Variants in SCAP observed in about 807,000 individuals in gnomAD.
The protein encoded by SCAP is sterol regulatory element-binding protein cleavage-activating protein.
Under a neutral mutation model 123.6 loss-of-function variants are expected in SCAP, and 65 were observed. The ratio of observed to expected loss-of-function variants is 0.53; its 90% confidence interval spans 0.43 to 0.65. The LOEUF (loss-of-function observed/expected upper bound fraction) is 0.65, where lower values mean the gene tolerates loss of function less well. SCAP is among the 30% of genes least tolerant of loss of function. The probability of loss-of-function intolerance (pLI) is 0.00; values close to 1 mark genes in which losing one functional copy is unlikely to be tolerated. For synonymous variants in SCAP, 740 were observed against 726.3 expected, an observed-to-expected ratio of 1.02 and a Z score of -0.30; for missense variants, 1,398 against 1,712.5, an observed-to-expected ratio of 0.82 and a Z score of 3.24.
intron 3 of SCAP, among the ~76,000 whole-genome samples, chr3:47,431,432 TAA>T (rs1350271249): frequency 6.6e-6 from 1 of 151,634 alleles, no homozygotes; most frequent in Non-Finnish European, 1.5e-5. Context: ...TCAGGTTTTC[TAA>T]GTTTTTGCCT....
intron 1 of SCAP, chr3:47,470,024 CT>C: frequency 3.1e-6 from 1 of 326,318 alleles, no homozygotes; most frequent in South Asian, 3.0e-5. Context: ...GTTTGGCATT[CT>C]TAGGTAACTC....
At chr3:47,452,673 A>C (rs1707268529) in intron 1 of SCAP, among the ~76,000 whole-genome samples, 2 of 152,202 alleles carry the variant, frequency 1.3e-5, no homozygotes, top group African/African-American at 4.8e-5. Flanking sequence ...TCTATTTAAC[A>C]CACCCTCCAG....
chr3:47,433,952 C>T (rs1706466053), intron 3 of SCAP, among the ~76,000 whole-genome samples: 1 of 152,178 alleles, frequency 6.6e-6, no homozygotes, highest in Admixed American at 6.5e-5. Context: ...CAATGGCCAA[C>T]CTGGGACATA....
chr3:47,442,241 A>T (rs1396415965), intron 2 of SCAP, among the ~76,000 whole-genome samples: 1 of 152,188 alleles, frequency 6.6e-6, no homozygotes, highest in Non-Finnish European at 1.5e-5. Context: ...ATGTCATCTC[A>T]TATCAAACTC....
At chr3:47,428,711 A>G in intron 3 of SCAP, 41 bp from the exon 4 acceptor site, 1 of 1,606,066 alleles carries the variant, frequency 6.2e-7, no homozygotes, top group South Asian at 1.1e-5. Flanking sequence ...GCAGCTGAGC[A>G]CAGGAAGAAG....
At chr3:47,416,689 G>C (rs986927707) in intron 18 of SCAP, among the ~76,000 whole-genome samples, 1 of 140,044 alleles carries the variant, frequency 7.1e-6, no homozygotes, top group Non-Finnish European at 1.5e-5. Context: ...TGCAGTGGCG[G>C]GATCTCGGCT....
chr3:47,421,494 G>A (rs1705898853), intron 10 of SCAP: 1 of 168,826 alleles, frequency 5.9e-6, no homozygotes, highest in South Asian at 1.4e-4. Flanking sequence ...AGAGAGAGAG[G>A]GATTAATTCT....
At chr3:47,469,425 G>C (rs984467212) in intron 1 of SCAP, among the ~76,000 whole-genome samples, 4 of 152,118 alleles carry the variant, frequency 2.6e-5, no homozygotes, top group East Asian at 3.9e-4. Context: ...GCTGTGACAC[G>C]ATCCTGGCTC....
At position 47,451,782 on chromosome 3, in the gene SCAP, G is replaced by A. The variant is rs975895082; in HGVS notation, c.-98-8691C>T. On this transcript the variant is annotated intron_variant, in intron 1 of 22. Transcript: ENST00000265565. ...AGTGGACACAGATTCTACTAATGCT[G>A]TGAGCTGGATACCCTTCTGCACTTA... 1.6e-5 allele frequency among the ~76,000 whole-genome samples: 2 copies of A among 122,744 alleles called. 1 individual carries two copies. Among genetic ancestry groups the A allele is most frequent in the Non-Finnish European group, 3.6e-5 (2 of 55,764 alleles). 80.5% of individuals were successfully genotyped at this position (122,744 alleles called of 152,430 possible).
At chr3:47,432,962 C>T (rs1379236875) in intron 3 of SCAP, among the ~76,000 whole-genome samples, 2 of 152,232 alleles carry the variant, frequency 1.3e-5, no homozygotes, top group Non-Finnish European at 2.9e-5. Flanking sequence ...GCCAACTGGG[C>T]TCCCTTTTAT....
intron 1 of SCAP, among the ~76,000 whole-genome samples, chr3:47,452,218 A>G (rs999782241): frequency 6.6e-6 from 1 of 152,182 alleles, no homozygotes; most frequent in Non-Finnish European, 1.5e-5. Context: ...TCTGTTCTTC[A>G]GGGTCTTTAA....
intron 1 of SCAP, among the ~76,000 whole-genome samples, chr3:47,454,652 G>GCAGGAGAATCGCTTGAACC (rs1707350261): frequency 6.6e-6 from 1 of 151,956 alleles, no homozygotes; most frequent in African/African-American, 2.4e-5. Context: ...TCGCTTGAAC[G>GCAGGAGAATCGCTTGAACC]CAGGAGAATC....
At position 47,420,436 on chromosome 3, in the gene SCAP, G is replaced by T; in HGVS notation, c.1563+118C>A. On this transcript the variant is annotated intron_variant, in intron 12 of 22. Transcript: ENST00000265565. The surrounding 1 kb of genome is among the most constrained non-coding windows in gnomAD (Gnocchi z 5.0). ...GCAACTCCCCAGAGCCAGGCTTCCA[G>T]GGGCCACCAGGGCCTGAGGAATACC... 1.1e-6 allele frequency: 1 copy of T among 927,392 alleles called. No homozygotes were observed. Among genetic ancestry groups the T allele is most frequent in the Non-Finnish European group, 1.6e-6 (1 of 634,734 alleles). 57.4% of individuals were successfully genotyped at this position (927,392 alleles called of 1,614,324 possible). A position where few individuals can be genotyped will look rare whatever the true frequency, so the allele number is the denominator to read the frequency against.
rs1486032084 is a variant in SCAP, at chr3:47,439,362, T to C, written c.122+3510A>G. Among the ~76,000 whole-genome samples, 1 of 152,124 alleles carries C rather than the reference T, an allele frequency of 6.6e-6. No homozygotes were observed. The highest frequency in any genetic ancestry group is 1.9e-4 in the East Asian group (1 of 5,164). ...AGGCAGAGGTTGCAGTAAGCCATGA[T>C]TGTGCCATTGCACTCCAGCCTGGGC... On this transcript the variant is annotated intron_variant, in intron 2 of 22. Coordinates refer to ENST00000265565, the MANE Select transcript of SCAP (RefSeq NM_012235.4). This position sits in a 1 kb window ranked among gnomAD's most constrained non-coding sequence, Gnocchi z 4.0.
intron 3 of SCAP, among the ~76,000 whole-genome samples, chr3:47,432,273 C>T (rs1172642156): frequency 1.5e-5 from 2 of 135,480 alleles, no homozygotes; most frequent in African/African-American, 2.8e-5. Flanking sequence ...GCTGAGATCG[C>T]GCCACTGCAC....
In SCAP at chr3:47,451,626, T is replaced by C. The variant is rs1707235461; in HGVS notation, c.-98-8535A>G. Among the ~76,000 whole-genome samples the C allele has an allele frequency of 1.6e-5, 2 of 122,922 alleles. 1 individual carries two copies. Among genetic ancestry groups the C allele is most frequent in the South Asian group, 6.2e-4 (2 of 3,228 alleles). 80.6% of individuals were successfully genotyped at this position (122,922 alleles called of 152,430 possible). On this transcript the variant is annotated intron_variant, in intron 1 of 22. Transcript: ENST00000265565. The stretch of plus-strand genomic sequence containing the variant: ...GTTGCCCAGGCTGGTCTTAAACTCT[T>C]AGACTCCAGCAATCCTCCTGCCTCA...
Position 47,413,815 on chromosome 3 carries a change from A to T in SCAP, c.*39T>A. ...AGGTTCAGTGCATTGGCCCCCACACAGCACCCCAGCCTCCTGCCTGGGCAA... is the reference window on the plus strand; with the variant it reads ...AGGTTCAGTGCATTGGCCCCCACACTGCACCCCAGCCTCCTGCCTGGGCAA... On this transcript the variant is annotated 3_prime_UTR_variant, in exon 23 of 23. Coordinates refer to ENST00000265565, the MANE Select transcript of SCAP (RefSeq NM_012235.4). 6.3e-7 allele frequency: 1 copy of T among 1,595,242 alleles called. No homozygotes were observed. The highest frequency in any genetic ancestry group is 8.5e-7 in the Non-Finnish European group (1 of 1,170,446).
At position 47,450,863 on chromosome 3, in the gene SCAP, T is replaced by G. The variant is rs182656531; in HGVS notation, c.-98-7772A>C. Among the ~76,000 whole-genome samples, 27 of 123,020 alleles carry G rather than the reference T, an allele frequency of 2.2e-4. 5 individuals carry two copies. The highest frequency in any genetic ancestry group is 6.7e-4 in the African/African-American group (24 of 35,980). The allele number at this position is 123,020 out of a possible 152,430, so 80.7% of individuals were successfully genotyped here. A position where few individuals can be genotyped will look rare whatever the true frequency, so the allele number is the denominator to read the frequency against. On this transcript the variant is annotated intron_variant, in intron 1 of 22. Transcript: ENST00000265565. The stretch of plus-strand genomic sequence containing the variant: ...CTATAAGCATTTATTTATTTTTCTT[T>G]TTTTAGAGATGGGGTCTCACTCTGT...
chr3:47,455,995 T>C (rs1707410685), intron 1 of SCAP, among the ~76,000 whole-genome samples: 1 of 152,250 alleles, frequency 6.6e-6, no homozygotes, highest in Non-Finnish European at 1.5e-5. Flanking sequence ...TGGCAAAGTA[T>C]ACTATATACA....
Sources: gnomAD v4.1 joint callset for allele counts (sites outside exome capture counted in the v4.1 genomes callset) on GRCh38, gnomAD v4.1.1 for gene constraint, Gnocchi (gnomAD v3.1) non-coding constraint, MANE v1.5 for transcripts, NCBI Gene and HGNC (gene_info 2026-07-23, HGNC 2026-07-21) for gene names.